RBM33: variants seen among roughly 807,000 people sequenced by gnomAD.
RBM33 encodes the protein RNA binding motif protein 33, also known as RNA-binding protein 33.
In RBM33, 28 loss-of-function variants were observed where a neutral mutation model predicts 132.6. That is an observed-to-expected ratio of 0.21 (90% CI 0.16 to 0.29). The LOEUF (loss-of-function observed/expected upper bound fraction) is 0.29, where lower values mean the gene tolerates loss of function less well. Among genes scored for constraint, RBM33 ranks in the 10% least tolerant of loss-of-function variants. The probability of loss-of-function intolerance (pLI) is 1.00; values close to 1 mark genes in which losing one functional copy is unlikely to be tolerated. For missense variants in RBM33, 1,291 were observed against 1,518.5 expected (o/e 0.85, Z 2.49); for synonymous variants, 634 against 593.0 (o/e 1.07, Z -1.01).
chr7:155,745,843 A>G lies in RBM33; in HGVS notation c.2979+241A>G, dbSNP rs895955685. 6 of 520,520 alleles carry G rather than the reference A, an allele frequency of 1.2e-5. No individual in the cohort carries two copies. Among genetic ancestry groups the G allele is most frequent in the Non-Finnish European group, 1.7e-5 (5 of 290,568 alleles). The allele number at this position is 520,520 out of a possible 1,614,324, so 32.2% of individuals were successfully genotyped here. On this transcript the variant is annotated intron_variant, in intron 14 of 17. Transcript: ENST00000401878. The surrounding 1 kb of genome is among the most constrained non-coding windows in gnomAD (Gnocchi z 4.1). ...AACGTGCTAGAATGTACTTCCATAC[A>G]CAGACGGTACAGCCTGCTGCACACC...
chr7:155,741,306 C>CT (rs1801326663), intron 12 of RBM33, among the ~76,000 whole-genome samples: 1 of 151,718 alleles, frequency 6.6e-6, no homozygotes, highest in Non-Finnish European at 1.5e-5. Context: ...ATGAATATGA[C>CT]TAAGCATTTC....
chr7:155,740,009 C>T lies in RBM33; in HGVS notation c.2032C>T (p.Arg678Cys), dbSNP rs1332848716. 7 of 1,553,134 alleles carry T rather than the reference C, an allele frequency of 4.5e-6. No homozygotes were observed. The highest frequency in any genetic ancestry group is 6.1e-6 in the Non-Finnish European group (7 of 1,145,008). Reference sequence around the variant, plus strand: ...CAGCAGCCGGATGCAGTGCCCCCAGCGCCAGGGGCTCCGGCATGTAAGTGT... The same window carrying T: ...CAGCAGCCGGATGCAGTGCCCCCAGTGCCAGGGGCTCCGGCATGTAAGTGT... ...ASSSRMQCPQ[R>C]QGLRHNTTSQ... The change falls in exon 12 of 18, where the codon CGC (arginine) becomes TGC (cysteine). Residue 678 changes from arginine (R) to cysteine (C), a missense_variant. Transcript: ENST00000401878.
At chr7:155,674,320 A>G (rs1266753868) in intron 3 of RBM33, among the ~76,000 whole-genome samples, 2 of 152,054 alleles carry the variant, frequency 1.3e-5, no homozygotes, top group African/African-American at 4.8e-5. Flanking sequence ...ACTGGGGGAA[A>G]AGGCTCCTGT....
rs1320515965 is a variant in RBM33 at position 155,778,948 on chromosome 7, A to T, written c.*3907A>T. Reference sequence around the variant, plus strand: ...CATCGTGGAGTCCTAGAAACTCTCTAGTCCCTGCGGCTGTTCCCCTCCTCT... The same window carrying T: ...CATCGTGGAGTCCTAGAAACTCTCTTGTCCCTGCGGCTGTTCCCCTCCTCT... On this transcript the variant is annotated 3_prime_UTR_variant, in exon 18 of 18. Coordinates refer to ENST00000401878, the MANE Select transcript of RBM33 (RefSeq NM_053043.3). This position sits in a 1 kb window ranked among gnomAD's most constrained non-coding sequence, Gnocchi z 4.0. 2.6e-5 allele frequency: 4 copies of T among 152,764 alleles called. No individual in the cohort carries two copies. Among genetic ancestry groups the T allele is most frequent in the African/African-American group, 7.3e-5 (3 of 41,358 alleles). The allele number at this position is 152,764 out of a possible 1,614,324, so 9.5% of individuals were successfully genotyped here.
chr7:155,710,530 G>C (rs1585470835), intron 7 of RBM33, among the ~76,000 whole-genome samples: 1 of 152,304 alleles, frequency 6.6e-6, no homozygotes, highest in South Asian at 2.1e-4. Context: ...CACTTTGAGT[G>C]TGTAATTTTC....
intron 14 of RBM33, among the ~76,000 whole-genome samples, chr7:155,763,168 G>A (rs945224937): frequency 1.3e-5 from 2 of 152,236 alleles, no homozygotes; most frequent in African/African-American, 2.4e-5. Context: ...GGAAATCCAC[G>A]TACTCTGTAG....
intron 1 of RBM33, among the ~76,000 whole-genome samples, chr7:155,656,241 AT>A (rs758640196): frequency 9.9e-5 from 15 of 152,244 alleles, no homozygotes; most frequent in Non-Finnish European, 2.1e-4. Context: ...ATATTGGATA[AT>A]GAAATGTGTT....
intron 5 of RBM33, chr7:155,684,941 A>G (rs1183918642): frequency 3.2e-6 from 5 of 1,550,174 alleles, no homozygotes; most frequent in Non-Finnish European, 4.4e-6. Flanking sequence ...AGGATGAAGA[A>G]TACTTGCAGG....
At chr7:155,706,687 T>C (rs1800124149) in intron 6 of RBM33, 173 bp from the exon 7 acceptor site, 1 of 585,834 alleles carries the variant, frequency 1.7e-6, no homozygotes, top group Non-Finnish European at 3.1e-6. Flanking sequence ...CACTAGTGGG[T>C]TGTGTGTGTT....
Position 155,644,918 on chromosome 7 carries a change from A to G in RBM33, c.42A>G (p.Gly14=), listed in dbSNP as rs1798132233. ...ALGASGGAGA[G]DDDFDQFDKP... ...GAGCGAGCGGAGGAGCAGGCGCCGGAGGTACGTGAGGCAGCCGGACTCTGG... is the reference window on the plus strand; with the variant it reads ...GAGCGAGCGGAGGAGCAGGCGCCGGGGGTACGTGAGGCAGCCGGACTCTGG... Residue 14 remains glycine (G), a splice_region_variant and synonymous_variant, in exon 1 of 18, where the codon GGA becomes GGG. Transcript: ENST00000401878. The G allele has an allele frequency of 1.3e-5, 20 of 1,497,048 alleles. No homozygotes were observed. Among genetic ancestry groups the G allele is most frequent in the Non-Finnish European group, 1.8e-5 (20 of 1,129,036 alleles). The allele number at this position is 1,497,048 out of a possible 1,614,324, so 92.7% of individuals were successfully genotyped here.
chr7:155,650,873 G>A (rs773296870), intron 1 of RBM33, among the ~76,000 whole-genome samples: 1 of 152,032 alleles, frequency 6.6e-6, no homozygotes, highest in Non-Finnish European at 1.5e-5. Flanking sequence ...TTTTGTTGTT[G>A]TTGTTGTTGT....
chr7:155,658,535 G>A (rs1798554710), intron 1 of RBM33, among the ~76,000 whole-genome samples: 1 of 151,938 alleles, frequency 6.6e-6, no homozygotes, highest in African/African-American at 2.4e-5. Context: ...TGAGTAGCTG[G>A]GATAACAGGC....
At chr7:155,696,759 C>T (rs1054279639) in intron 5 of RBM33, among the ~76,000 whole-genome samples, 16 of 152,182 alleles carry the variant, frequency 1.1e-4, no homozygotes, top group Non-Finnish European at 2.4e-4. Flanking sequence ...TTCATGACCT[C>T]TCACTGGTCT....
intron 14 of RBM33, among the ~76,000 whole-genome samples, chr7:155,759,746 A>G (rs746948466): frequency 6.6e-6 from 1 of 152,214 alleles, no homozygotes; most frequent in Non-Finnish European, 1.5e-5. Context: ...ACACATACAC[A>G]TTGTATACCT....
intron 14 of RBM33, among the ~76,000 whole-genome samples, chr7:155,759,415 C>CTTTTTTT (rs58449648): frequency 0.014 from 1,550 of 113,936 alleles, 33 homozygotes; most frequent in Middle Eastern, 0.023. Flanking sequence ...TGTTTATGTT[C>CTTTTTTT]TTTTTTTTTT....
chr7:155,676,480 T>G (rs772290283), intron 3 of RBM33, among the ~76,000 whole-genome samples: 2 of 152,244 alleles, frequency 1.3e-5, no homozygotes, highest in Non-Finnish European at 2.9e-5. Context: ...TTTCTTCCCA[T>G]TTTTAAACTC....
chr7:155,777,279 C>CTG lies in RBM33; in HGVS notation c.*2240_*2241dup, dbSNP rs1802644964. 1 of 152,452 alleles carries CTG rather than the reference C, an allele frequency of 6.6e-6. No individual in the cohort carries two copies. The highest frequency in any genetic ancestry group is 2.4e-5 in the African/African-American group (1 of 41,410). The allele number at this position is 152,452 out of a possible 1,614,324, so 9.4% of individuals were successfully genotyped here. On this transcript the variant is annotated 3_prime_UTR_variant, in exon 18 of 18. Coordinates refer to ENST00000401878, the MANE Select transcript of RBM33 (RefSeq NM_053043.3). ...CCCTGGGGTGTGCGTGTTTCTCTAA[C>CTG]TGTCTACACGTGCACATAGGCAGAC...
rs1293775196 is a variant in RBM33 at position 155,680,818 on chromosome 7, A to G, written c.477A>G (p.Gln159=). 6.2e-7 allele frequency: 1 copy of G among 1,613,908 alleles called. No individual in the cohort carries two copies. Among genetic ancestry groups the G allele is most frequent in the Non-Finnish European group, 8.5e-7 (1 of 1,179,810 alleles). ...EGHEAELTED[Q]IEYVEEPEEE... ...ACGAAGCTGAGTTGACAGAAGACCAAATAGAATATGTGGAAGAGCCAGAGG... is the reference window on the plus strand; with the variant it reads ...ACGAAGCTGAGTTGACAGAAGACCAGATAGAATATGTGGAAGAGCCAGAGG... Residue 159 remains glutamine (Q), a synonymous_variant, in exon 5 of 18, where the codon CAA becomes CAG. Coordinates refer to ENST00000401878, the MANE Select transcript of RBM33 (RefSeq NM_053043.3).
At chr7:155,676,687 C>T (rs747440973) in intron 3 of RBM33, among the ~76,000 whole-genome samples, 5 of 152,202 alleles carry the variant, frequency 3.3e-5, no homozygotes, top group Non-Finnish European at 7.3e-5. Flanking sequence ...CCATCCTGAG[C>T]AGAACCCCCT....
Sources: allele counts gnomAD v4.1 joint callset (sites outside exome capture counted in the v4.1 genomes callset), GRCh38; gene constraint gnomAD v4.1.1; non-coding constraint Gnocchi (gnomAD v3.1); transcripts MANE v1.5; gene names NCBI Gene and HGNC (gene_info 2026-07-23, HGNC 2026-07-21).